Variants in SLC38A4 observed in about 807,000 individuals in gnomAD.
SLC38A4 encodes sodium-coupled neutral amino acid transporter 4.
In SLC38A4, 20 loss-of-function variants were observed where a neutral mutation model predicts 63.1. The ratio of observed to expected loss-of-function variants is 0.32; its 90% confidence interval spans 0.22 to 0.46. SLC38A4 has a LOEUF of 0.46. SLC38A4 is among the 20% of genes least tolerant of loss of function. The pLI is 1.00. For synonymous variants in SLC38A4, 230 were observed against 225.5 expected (o/e 1.02, Z -0.18); for missense variants, 526 against 663.6 (o/e 0.79, Z 2.28).
At chr12:46,800,465 C>G (rs1939108766) in intron 2 of SLC38A4, among the ~76,000 whole-genome samples, 1 of 151,962 alleles carries the variant, frequency 6.6e-6, no homozygotes, top group Admixed American at 6.6e-5. Context: ...ACTGCAGGAC[C>G]TCTTAAGGCA....
intron 7 of SLC38A4, among the ~76,000 whole-genome samples, chr12:46,780,920 T>G (rs531336528): frequency 6.6e-6 from 1 of 152,158 alleles, no homozygotes; most frequent in East Asian, 1.9e-4. Context: ...AACTCACAAA[T>G]TTTACATGAA....
chr12:46,826,703 A>G (rs1939660812), upstream of SLC38A4, among the ~76,000 whole-genome samples: 1 of 152,202 alleles, frequency 6.6e-6, no homozygotes, highest in African/African-American at 2.4e-5. Flanking sequence ...TGGATGGTAG[A>G]GTCAAGATCT....
intron 1 of SLC38A4, among the ~76,000 whole-genome samples, chr12:46,822,476 A>G (rs1360873173): frequency 6.6e-6 from 1 of 152,168 alleles, no homozygotes; most frequent in Non-Finnish European, 1.5e-5. Flanking sequence ...ACCAAAGCTA[A>G]TAAGGTCCTG....
intron 5 of SLC38A4, 99 bp from the exon 6 acceptor site, chr12:46,785,276 C>T: frequency 1.0e-6 from 1 of 957,966 alleles, no homozygotes; most frequent in Non-Finnish European, 1.6e-6. Context: ...TCTTTTCAAT[C>T]ATCAGCTTTC....
chr12:46,804,962 A>G (rs1939202630), intron 1 of SLC38A4, among the ~76,000 whole-genome samples: 1 of 152,046 alleles, frequency 6.6e-6, no homozygotes, highest in Admixed American at 6.6e-5. Context: ...CAAAGTTACC[A>G]GATAAATAAA....
At chr12:46,798,682 A>AT (rs376660342) in intron 2 of SLC38A4, among the ~76,000 whole-genome samples, 5 of 152,238 alleles carry the variant, frequency 3.3e-5, no homozygotes, top group African/African-American at 1.2e-4. Context: ...TAATCCCAGA[A>AT]TTTTTTTAGA....
intron 1 of SLC38A4, among the ~76,000 whole-genome samples, chr12:46,823,774 C>T (rs1939596046): frequency 6.6e-6 from 1 of 152,178 alleles, no homozygotes; most frequent in South Asian, 2.1e-4. Flanking sequence ...AGGAATTCTT[C>T]AATGGGTACG....
chr12:46,778,803 A>T, intron 10 of SLC38A4, 27 bp from the exon 11 acceptor site: 1 of 1,594,978 alleles, frequency 6.3e-7, no homozygotes, highest in Non-Finnish European at 8.5e-7. Flanking sequence ...AAAAAGAAAA[A>T]AAAATCAGCT....
rs574477897 is a variant in SLC38A4 at position 46,814,072 on chromosome 12, G to T, written c.-304-10278C>A. Among the ~76,000 whole-genome samples the T allele has an allele frequency of 2.6e-4, 40 of 152,088 alleles. No individual in the cohort carries two copies. In the Middle Eastern group the frequency reaches 0.014, roughly 52 times the overall value. On this transcript the variant is annotated intron_variant, in intron 1 of 16. Coordinates refer to ENST00000266579, the MANE Select transcript of SLC38A4 (RefSeq NM_018018.5). ...AAACTTAGACAAGGTTATTGTGAGG[G>T]TTAAATGATGTATTGGATATACAGC...
chr12:46,775,267 G>T, intron 13 of SLC38A4, 94 bp from the exon 14 acceptor site: 1 of 1,448,932 alleles, frequency 6.9e-7, no homozygotes, highest in Non-Finnish European at 9.2e-7. Context: ...ACAGAACAGA[G>T]GAAAAGACCT....
At chr12:46,808,223 C>T (rs1459254439) in intron 1 of SLC38A4, among the ~76,000 whole-genome samples, 1 of 151,986 alleles carries the variant, frequency 6.6e-6, no homozygotes, top group South Asian at 2.1e-4. Flanking sequence ...AAAGAGCTTT[C>T]AGCCCAGGCC....
intron 1 of SLC38A4, among the ~76,000 whole-genome samples, chr12:46,816,717 G>T (rs904006912): frequency 5.3e-5 from 8 of 151,772 alleles, no homozygotes; most frequent in African/African-American, 1.9e-4. Flanking sequence ...TTCTAGTGGA[G>T]AATAAAGGAG....
chr12:46,820,947 A>G (rs1390816344), intron 1 of SLC38A4, among the ~76,000 whole-genome samples: 8 of 152,054 alleles, frequency 5.3e-5, no homozygotes, highest in Non-Finnish European at 1.0e-4. Context: ...GCATCTTTTC[A>G]TATACCTGTT....
At chr12:46,784,487 T>C (rs1025895010) in intron 7 of SLC38A4, 55 bp downstream of exon 7, 8 of 1,374,258 alleles carry the variant, frequency 5.8e-6, no homozygotes, top group Non-Finnish European at 8.0e-6. Flanking sequence ...TTTTCTTATT[T>C]ATTGAACACG....
At chr12:46,780,078 C>G in intron 7 of SLC38A4, 48 bp from the exon 8 acceptor site, 2 of 1,369,142 alleles carry the variant, frequency 1.5e-6, no homozygotes. Context: ...GTACTGAAGT[C>G]ACATGCAAGC....
intron 3 of SLC38A4, among the ~76,000 whole-genome samples, chr12:46,790,064 G>A (rs1298342754): frequency 1.3e-5 from 2 of 150,140 alleles, no homozygotes; most frequent in East Asian, 3.9e-4. Flanking sequence ...GGCCACAAGA[G>A]TGAAACTCTG....
intron 3 of SLC38A4, among the ~76,000 whole-genome samples, chr12:46,789,207 T>C (rs1938829130): frequency 1.3e-5 from 2 of 149,082 alleles, no homozygotes. Context: ...GTATTTTCTT[T>C]CTTTTTTTTT....
In SLC38A4 at chr12:46,783,734, G is replaced by T. The variant is rs535244640; in HGVS notation, c.493+808C>A. 1.5e-4 allele frequency among the ~76,000 whole-genome samples: 23 copies of T among 152,206 alleles called. 1 individual carries two copies. The South Asian group carries it at 4.4e-3, about 29-fold the overall frequency. On this transcript the variant is annotated intron_variant, in intron 7 of 16. Transcript: ENST00000266579. Reference sequence around the variant, plus strand: ...TGGTGGTATTCACTGAGAAAAGAAAGATCAGAGAAATAGAATAGCAGGTTT... The same window carrying T: ...TGGTGGTATTCACTGAGAAAAGAAATATCAGAGAAATAGAATAGCAGGTTT...
intron 7 of SLC38A4, 69 bp downstream of exon 7, chr12:46,784,473 T>C (rs1938716976): frequency 3.2e-6 from 4 of 1,248,388 alleles, no homozygotes; most frequent in Admixed American, 4.3e-5. Context: ...TTTATTGCCA[T>C]AAGTTTTCTT....
Sources: gnomAD v4.1 joint callset for allele counts (sites outside exome capture counted in the v4.1 genomes callset) on GRCh38, gnomAD v4.1.1 for gene constraint, MANE v1.5 for transcripts, NCBI Gene and HGNC (gene_info 2026-07-23, HGNC 2026-07-21) for gene names.